The following CEP63 variants were observed in gnomAD, a reference collection of about 807,000 sequenced individuals.
CEP63 encodes the protein centrosomal protein of 63 kDa.
Under a neutral mutation model 89.1 loss-of-function variants are expected in CEP63, and 84 were observed. That is an observed-to-expected ratio of 0.94 (90% CI 0.79 to 1.13). The LOEUF (loss-of-function observed/expected upper bound fraction) is 1.13. Among genes scored for constraint, CEP63 ranks in the 50% most tolerant of loss-of-function variants. CEP63 has a pLI of 0.00. For synonymous variants in CEP63, 267 were observed against 272.5 expected (o/e 0.98, Z 0.20); for missense variants, 838 against 813.3 (o/e 1.03, Z -0.37).
intron 3 of CEP63, 62 bp from the exon 4 acceptor site, chr3:134,531,783 A>AT: frequency 8.6e-7 from 1 of 1,167,620 alleles, no homozygotes. Context: ...TTCTATTTTT[A>AT]TATCTCAGGG....
intron 10 of CEP63, among the ~76,000 whole-genome samples, chr3:134,586,175 G>T (rs1958480818): frequency 6.6e-6 from 1 of 152,062 alleles, no homozygotes; most frequent in African/African-American, 2.4e-5. Context: ...TTTAATTGGG[G>T]CATTTAGCCC....
intron 3 of CEP63, among the ~76,000 whole-genome samples, chr3:134,517,571 C>A (rs567549307): frequency 6.6e-6 from 1 of 152,070 alleles, no homozygotes; most frequent in Non-Finnish European, 1.5e-5. Context: ...ATATGCTGGG[C>A]CATAAAGTAA....
chr3:134,584,066 G>A (rs1051838165), intron 10 of CEP63, among the ~76,000 whole-genome samples: 1 of 152,206 alleles, frequency 6.6e-6, no homozygotes, highest in African/African-American at 2.4e-5. Context: ...TCAGCTTAAG[G>A]AGTTTTTGGG....
At chr3:134,726,870 G>A in the CEP63 span, among the ~76,000 whole-genome samples, 2 of 152,170 alleles carry the variant, frequency 1.3e-5, no homozygotes, top group Non-Finnish European at 2.9e-5. Context: ...GCCGGAGCAC[G>A]GGGCTAGCAT....
In CEP63 at chr3:134,550,085, G is replaced by A; in HGVS notation, c.1205G>A (p.Gly402Asp). The change falls in exon 11 of 15, where the codon GGT (glycine) becomes GAT (aspartate). Residue 402 changes from glycine (G) to aspartate (D), a missense_variant. Coordinates refer to ENST00000675561, the MANE Select transcript of CEP63 (RefSeq NM_001353108.3). The stretch of plus-strand genomic sequence containing the variant: ...TAGTTGAAAGAACAGATTTTACAGG[G>A]TGAACAAAGTTACAGTTCTGCACTA... ...IKKLKEQILQ[G>D]EQSYSSALEG... is the part of the protein sequence containing the mutation. The A allele has an allele frequency of 6.2e-7, 1 of 1,613,696 alleles. No homozygotes were observed. The highest frequency in any genetic ancestry group is 8.5e-7 in the Non-Finnish European group (1 of 1,179,732).
At chr3:134,752,043 C>CCCAG in the CEP63 span, among the ~76,000 whole-genome samples, 1 of 152,062 alleles carries the variant, frequency 6.6e-6, no homozygotes, top group African/African-American at 2.4e-5. Flanking sequence ...AGCAGGCTTG[C>CCCAG]CCAGCATGTG....
chr3:134,490,523 ATAGT>A (rs1275354176), intron 1 of CEP63, among the ~76,000 whole-genome samples: 108 of 152,288 alleles, frequency 7.1e-4, no homozygotes, highest in Middle Eastern at 3.4e-3. Context: ...AATTTATTGT[ATAGT>A]TAGCCTATCA....
chr3:134,524,144 G>A (rs1948131632), intron 3 of CEP63, among the ~76,000 whole-genome samples: 1 of 151,944 alleles, frequency 6.6e-6, no homozygotes, highest in South Asian at 2.1e-4. Context: ...TTCTTTTTGT[G>A]ACATTTGTGA....
downstream of CEP63, among the ~76,000 whole-genome samples, chr3:134,588,772 AAGTT>A (rs1397740784): frequency 2.6e-5 from 4 of 152,306 alleles, no homozygotes; most frequent in African/African-American, 7.2e-5. Flanking sequence ...ACAAAATCAA[AAGTT>A]AGTTCTTTAA....
intron 3 of CEP63, among the ~76,000 whole-genome samples, chr3:134,523,543 A>G (rs139232104): frequency 3.7e-3 from 562 of 152,222 alleles, no homozygotes; most frequent in African/African-American, 0.013. Context: ...TAAGTCTTTA[A>G]TCCATCTTGA....
At chr3:134,678,483 G>T in the CEP63 span, among the ~76,000 whole-genome samples, 1 of 152,160 alleles carries the variant, frequency 6.6e-6, no homozygotes, top group Non-Finnish European at 1.5e-5. Context: ...GGTGCCTAGT[G>T]TAATGCCCAG....
chr3:134,595,390 A>T, the CEP63 span, among the ~76,000 whole-genome samples: 1 of 152,152 alleles, frequency 6.6e-6, no homozygotes, highest in East Asian at 1.9e-4. Context: ...TTTTTCCTTT[A>T]TAAATTACCC....
intron 2 of CEP63, among the ~76,000 whole-genome samples, chr3:134,499,433 T>C (rs1941272567): frequency 6.6e-6 from 1 of 152,210 alleles, no homozygotes; most frequent in Non-Finnish European, 1.5e-5. Context: ...GCTAATGGTT[T>C]ATCGATTTTG....
chr3:134,679,655 G>T, the CEP63 span, among the ~76,000 whole-genome samples: 1 of 152,296 alleles, frequency 6.6e-6, no homozygotes, highest in East Asian at 1.9e-4. Flanking sequence ...TGGAGATATG[G>T]TCTTTAAAGA....
At chr3:134,593,476 T>C in the CEP63 span, among the ~76,000 whole-genome samples, 1 of 152,072 alleles carries the variant, frequency 6.6e-6, no homozygotes, top group African/African-American at 2.4e-5. Context: ...CTGGCAGAAC[T>C]GGGGTTAGGA....
chr3:134,539,368 A>G (rs1308993404), intron 6 of CEP63, among the ~76,000 whole-genome samples: 2 of 152,206 alleles, frequency 1.3e-5, no homozygotes, highest in Admixed American at 1.3e-4. Flanking sequence ...CTGAAACTCT[A>G]TACCATTCCC....
chr3:134,771,178 C>T, the CEP63 span, among the ~76,000 whole-genome samples: 3 of 152,168 alleles, frequency 2.0e-5, no homozygotes, highest in Non-Finnish European at 4.4e-5. Flanking sequence ...TTGCTGGCTT[C>T]CTGAATACAG....
chr3:134,700,951 T>A, the CEP63 span, among the ~76,000 whole-genome samples: 1 of 152,128 alleles, frequency 6.6e-6, no homozygotes, highest in Admixed American at 6.5e-5. Flanking sequence ...CTTTCCATAG[T>A]ACATTTCGCT....
At chr3:134,486,443 C>T in intron 1 of CEP63, 2 of 985,604 alleles carry the variant, frequency 2.0e-6, no homozygotes, top group Non-Finnish European at 2.4e-6. Flanking sequence ...CCCGCTATGC[C>T]CTGCACACTG....
Sources: gnomAD v4.1 joint callset for allele counts (sites outside exome capture counted in the v4.1 genomes callset) on GRCh38, gnomAD v4.1.1 for gene constraint, MANE v1.5 for transcripts, NCBI Gene and HGNC (gene_info 2026-07-23, HGNC 2026-07-21) for gene names.